The following CYLC1 variants were observed in gnomAD, a reference collection of about 807,000 sequenced individuals.
CYLC1 encodes cylicin-1.
Under a neutral mutation model 31.6 loss-of-function variants are expected in CYLC1, and 2 were observed. The observed-to-expected ratio is 0.06, with a 90% CI of 0.03 to 0.20. The LOEUF is 0.20. Among genes scored for constraint, CYLC1 ranks in the 10% least tolerant of loss-of-function variants. The pLI is 1.00. For synonymous variants in CYLC1, 185 were observed against 153.0 expected, an observed-to-expected ratio of 1.21 and a Z score of -1.54; for missense variants, 595 against 424.1, an observed-to-expected ratio of 1.40 and a Z score of -3.54.
chrX:83,880,282 T>C (rs1330425053), intron 4 of CYLC1, among the ~76,000 whole-genome samples: 3 of 111,941 alleles, frequency 2.7e-5, no homozygotes, highest in Non-Finnish European at 5.6e-5. Context: ...GTGAAAATTA[T>C]CTTCTCCACA....
intron 4 of CYLC1, 31 bp downstream of exon 4, chrX:83,874,662 G>T (rs773307548): frequency 8.9e-7 from 1 of 1,126,294 alleles, no homozygotes; most frequent in Non-Finnish European, 1.2e-6. Flanking sequence ...TATTTAGGCT[G>T]AAATGGATAT....
At chrX:83,870,733 G>A (rs746207227) in intron 2 of CYLC1, among the ~76,000 whole-genome samples, 1 of 111,122 alleles carries the variant, frequency 9.0e-6, no homozygotes, top group Non-Finnish European at 1.9e-5. Flanking sequence ...TCTAAATATA[G>A]TAACCGTATC....
In CYLC1 at chrX:83,873,203, A is replaced by T; in HGVS notation, c.495A>T (p.Ser165=). The change falls in exon 4 of 5, where the codon TCA becomes TCT. Residue 165 remains serine, a synonymous_variant. Coordinates refer to ENST00000329312, the MANE Select transcript of CYLC1 (RefSeq NM_021118.3). ...AGGCAGATAAAACTCCCTTAAAATC[A>T]TCACATGAAAATGAACAATCCAAGA... ...QNEADKTPLK[S]SHENEQSKKS... 4.1e-6 allele frequency: 5 copies of T among 1,205,613 alleles called. No homozygotes were observed. The highest frequency in any genetic ancestry group is 5.6e-6 in the Non-Finnish European group (5 of 892,045).
intron 4 of CYLC1, among the ~76,000 whole-genome samples, chrX:83,876,137 A>G (rs924677842): frequency 2.7e-5 from 3 of 110,749 alleles, no homozygotes; most frequent in Non-Finnish European, 5.7e-5. Flanking sequence ...CTTCTCATAT[A>G]TTAATATTTT....
chrX:83,871,420 C>T, intron 2 of CYLC1, 32 bp from the exon 3 acceptor site: 2 of 1,093,220 alleles, frequency 1.8e-6, no homozygotes, highest in Non-Finnish European at 2.5e-6. Flanking sequence ...CTGACATTAA[C>T]TCCAAATTGT....
intron 4 of CYLC1, among the ~76,000 whole-genome samples, chrX:83,878,394 T>A (rs1217165099): frequency 6.1e-4 from 28 of 45,696 alleles, no homozygotes; most frequent in South Asian, 1.0e-3. Context: ...TATATATAAA[T>A]ATATATAAAT....
At position 83,873,647 on chromosome X, in the gene CYLC1, T is replaced by A. The variant is rs1602304064; in HGVS notation, c.939T>A (p.Val313=). The stretch of plus-strand genomic sequence containing the variant: ...ATGCTAAGAAAGATTCAAAGAAAGT[T>A]AAGAAAAATGTCAAGAAAGATGACA... ...SKDAKKDSKK[V]KKNVKKDDKK... Residue 313 remains valine (V), a synonymous_variant, in exon 4 of 5, where the codon GTT becomes GTA. Coordinates refer to ENST00000329312, the MANE Select transcript of CYLC1 (RefSeq NM_021118.3). 3 of 1,197,441 alleles carry A rather than the reference T, an allele frequency of 2.5e-6. No homozygotes were observed. The highest frequency in any genetic ancestry group is 1.8e-5 in the African/African-American group (1 of 56,335).
intron 4 of CYLC1, among the ~76,000 whole-genome samples, chrX:83,878,925 G>A (rs760270418): frequency 9.5e-6 from 1 of 105,321 alleles, no homozygotes; most frequent in South Asian, 4.4e-4. Flanking sequence ...GAGTCCTAGT[G>A]ATTCTCACAG....
At chrX:83,884,048 A>T (rs2031949628) in intron 4 of CYLC1, among the ~76,000 whole-genome samples, 1 of 111,543 alleles carries the variant, frequency 9.0e-6, no homozygotes, top group Admixed American at 9.6e-5. Context: ...GAGATGCAAT[A>T]TTATAGCATG....
rs1170625353 is a variant in CYLC1, at chrX:83,861,206, C to T, written c.17+7C>T. 4 of 1,180,651 alleles carry T rather than the reference C, an allele frequency of 3.4e-6. No homozygotes were observed. Among genetic ancestry groups the T allele is most frequent in the Non-Finnish European group, 3.4e-6 (3 of 871,996 alleles). On this transcript the variant is annotated splice_region_variant and intron_variant, in intron 1 of 4. Coordinates refer to ENST00000329312, the MANE Select transcript of CYLC1 (RefSeq NM_021118.3). ...AAATGTCTCTTCCAAGGTTGTAAGTCCTCTTTTTAATATTTTTTTAGTATT... is the reference window on the plus strand; with the variant it reads ...AAATGTCTCTTCCAAGGTTGTAAGTTCTCTTTTTAATATTTTTTTAGTATT...
chrX:83,868,168 C>T (rs2031616348), intron 1 of CYLC1, among the ~76,000 whole-genome samples: 1 of 110,698 alleles, frequency 9.0e-6, no homozygotes, highest in African/African-American at 3.3e-5. Flanking sequence ...TATAATTATT[C>T]AACTATATTA....
At chrX:83,883,156 AAGCTTGACTT>A (rs2031935508) in intron 4 of CYLC1, among the ~76,000 whole-genome samples, 1 of 111,126 alleles carries the variant, frequency 9.0e-6, no homozygotes, top group South Asian at 3.8e-4. Flanking sequence ...GTCTTCTTCA[AAGCTTGACTT>A]TCCCTCAAAA....
chrX:83,861,804 T>TA (rs1297298565), intron 1 of CYLC1, among the ~76,000 whole-genome samples: 1 of 111,579 alleles, frequency 9.0e-6, no homozygotes, highest in African/African-American at 3.3e-5. Context: ...AAAATTAAGA[T>TA]AATGTAAGCC....
chrX:83,866,706 G>A (rs2031597715), intron 1 of CYLC1, among the ~76,000 whole-genome samples: 1 of 110,562 alleles, frequency 9.0e-6, no homozygotes, highest in Non-Finnish European at 1.9e-5. Context: ...TTGCTGAGAT[G>A]GTTGATCACA....
intron 4 of CYLC1, among the ~76,000 whole-genome samples, chrX:83,877,623 T>G (rs1355952055): frequency 9.3e-6 from 1 of 107,525 alleles, no homozygotes; most frequent in Non-Finnish European, 1.9e-5. Context: ...CACAGATCTT[T>G]GCATGTCTAT....
At position 83,873,139 on chromosome X, in the gene CYLC1, C is replaced by A. The variant is rs1313863255; in HGVS notation, c.431C>A (p.Ser144Tyr). 3 of 1,196,661 alleles carry A rather than the reference C, an allele frequency of 2.5e-6. No individual in the cohort carries two copies. The Admixed American group carries it at 6.9e-5, about 27-fold the overall frequency. Reference sequence around the variant, plus strand: ...GGTTCATATGCAACAAATCCAGAATCCAAGCAAATAGTAGAAGAGAAAACT... The same window carrying A: ...GGTTCATATGCAACAAATCCAGAATACAAGCAAATAGTAGAAGAGAAAACT... ...KGGSYATNPE[S>Y]KQIVEEKTKR... The change falls in exon 4 of 5, where the codon TCC (serine) becomes TAC (tyrosine). Residue 144 changes from serine to tyrosine, a missense_variant. Coordinates refer to ENST00000329312, the MANE Select transcript of CYLC1 (RefSeq NM_021118.3).
At chrX:83,881,938 T>C (rs1341738338) in intron 4 of CYLC1, among the ~76,000 whole-genome samples, 6 of 110,228 alleles carry the variant, frequency 5.4e-5, no homozygotes, top group Non-Finnish European at 7.6e-5. Flanking sequence ...CTTCGTGATC[T>C]GCCCACCTCA....
At chrX:83,881,582 T>A (rs1157350103) in intron 4 of CYLC1, among the ~76,000 whole-genome samples, 1 of 109,978 alleles carries the variant, frequency 9.1e-6, no homozygotes, top group Non-Finnish European at 1.9e-5. Flanking sequence ...ACGGAGATTA[T>A]TACCACAAGA....
At position 83,873,938 on chromosome X, in the gene CYLC1, A is replaced by T. The variant is rs1196129972; in HGVS notation, c.1230A>T (p.Glu410Asp). Residue 410 changes from glutamate (E) to aspartate (D), a missense_variant, in exon 4 of 5, where the codon GAA becomes GAT. Physicochemically the swap from Glu to Asp is conservative, Grantham distance 45. Transcript: ENST00000329312. ...AKKITFSTDS[E>D]SELESKESQK... is the part of the protein sequence containing the mutation. ...AAATTACATTCTCTACTGATTCTGA[A>T]TCTGAACTGGAGTCAAAGGAGAGTC... 1.7e-6 allele frequency: 2 copies of T among 1,186,137 alleles called. No homozygotes were observed. Among genetic ancestry groups the T allele is most frequent in the Non-Finnish European group, 2.3e-6 (2 of 879,039 alleles).
Sources: gnomAD v4.1 joint callset for allele counts (sites outside exome capture counted in the v4.1 genomes callset) on GRCh38, gnomAD v4.1.1 for gene constraint, MANE v1.5 for transcripts, NCBI Gene and HGNC (gene_info 2026-07-23, HGNC 2026-07-21) for gene names.